The following CEP162 variants were observed in gnomAD, a reference collection of about 807,000 sequenced individuals.
CEP162 encodes centrosomal protein 162, also known as centrosomal protein of 162 kDa.
A neutral mutation model predicts 169.2 loss-of-function variants in CEP162; 141 were observed. That is an observed-to-expected ratio of 0.83 (90% CI 0.73 to 0.96). The LOEUF (loss-of-function observed/expected upper bound fraction) is 0.96, where lower values mean the gene tolerates loss of function less well. CEP162 is among the 40% of genes least tolerant of loss of function. The pLI, the probability that CEP162 is intolerant of heterozygous loss-of-function variation, is 0.00. For missense variants in CEP162, 1,600 were observed against 1,587.2 expected, an observed-to-expected ratio of 1.01 and a Z score of -0.14; for synonymous variants, 540 against 526.4, an observed-to-expected ratio of 1.03 and a Z score of -0.35.
At position 84,215,516 on chromosome 6, in the gene CEP162, ATTGAT is replaced by A. The variant is rs2127750000; in HGVS notation, c.320-56_320-52del. On this transcript the variant is annotated intron_variant, in intron 4 of 26. Transcript: ENST00000403245. ...TAGTAATATACAGAATTTTGAAAAC[ATTGAT>A]TTGAATGATGCATTTATTGACATTA... is the stretch of plus-strand genomic sequence containing the variant. The A allele has an allele frequency of 6.6e-6, 9 of 1,358,470 alleles. No homozygotes were observed. In the South Asian group the frequency reaches 1.3e-4, roughly 20 times the overall value. The allele number at this position is 1,358,470 out of a possible 1,614,324, so 84.2% of individuals were successfully genotyped here. A position where few individuals can be genotyped will look rare whatever the true frequency, so the allele number is the denominator to read the frequency against.
chr6:84,136,552 G>C (rs1220673496), intron 25 of CEP162, among the ~76,000 whole-genome samples: 1 of 152,152 alleles, frequency 6.6e-6, no homozygotes, highest in African/African-American at 2.4e-5. Context: ...CTGAAGCAAA[G>C]GCAGTTAGTG....
chr6:84,197,737 A>G (rs2127728310), intron 9 of CEP162, among the ~76,000 whole-genome samples: 1 of 152,062 alleles, frequency 6.6e-6, no homozygotes, highest in South Asian at 2.1e-4. Context: ...GAATCACTTG[A>G]ACCCAGGAGG....
At chr6:84,210,864 A>G (rs1231853413) in intron 6 of CEP162, among the ~76,000 whole-genome samples, 1 of 152,182 alleles carries the variant, frequency 6.6e-6, no homozygotes, top group Non-Finnish European at 1.5e-5. Context: ...AGGTTACTAG[A>G]GCTACTCTAG....
chr6:84,212,859 A>G (rs991061649), intron 6 of CEP162, 98 bp downstream of exon 6: 10 of 771,938 alleles, frequency 1.3e-5, no homozygotes, highest in Non-Finnish European at 2.1e-5. Context: ...GCTCTGAGAC[A>G]ATATGATTTT....
intron 26 of CEP162, 39 bp from the exon 27 acceptor site, chr6:84,125,315 T>C (rs2099508482): frequency 1.3e-6 from 2 of 1,550,354 alleles, no homozygotes; most frequent in South Asian, 1.1e-5. Context: ...TTATAGTTCA[T>C]AGTGGTGGGT....
intron 6 of CEP162, among the ~76,000 whole-genome samples, chr6:84,212,729 G>A (rs1233449053): frequency 1.3e-5 from 2 of 151,948 alleles, no homozygotes; most frequent in Non-Finnish European, 2.9e-5. Flanking sequence ...CTGTCAGATT[G>A]AACAAAAATG....
intron 25 of CEP162, among the ~76,000 whole-genome samples, chr6:84,129,174 T>G (rs962517206): frequency 3.9e-5 from 6 of 152,160 alleles, no homozygotes; most frequent in African/African-American, 7.2e-5. Context: ...GTCTTAATAG[T>G]AGAATGATTT....
intron 23 of CEP162, 120 bp downstream of exon 23, chr6:84,152,425 A>C (rs1187181011): frequency 3.8e-6 from 2 of 525,550 alleles, no homozygotes; most frequent in Admixed American, 7.6e-5. Flanking sequence ...TAATTTATTA[A>C]TATTCACTTA....
intron 2 of CEP162, among the ~76,000 whole-genome samples, chr6:84,224,013 T>A (rs528891907): frequency 1.3e-5 from 2 of 152,122 alleles, no homozygotes; most frequent in Admixed American, 1.3e-4. Flanking sequence ...AGCTACCATA[T>A]GATACAGCAA....
chr6:84,219,323 GT>G, intron 3 of CEP162: 1 of 396,062 alleles, frequency 2.5e-6, no homozygotes, highest in South Asian at 2.0e-5. Context: ...CATTGTCAAA[GT>G]TTGCTTCTTG....
rs56844006 is a variant in CEP162, at chr6:84,167,364, G to A, written c.2385+1964C>T. On this transcript the variant is annotated intron_variant, in intron 18 of 26. Coordinates refer to ENST00000403245, the MANE Select transcript of CEP162 (RefSeq NM_014895.4). ...CCACAGCTCTGTTTAATGTTTGTTT[G>A]AATTTGCCTGGCCTGTTTTGTTCTT... Among the ~76,000 whole-genome samples, 270 of 152,074 alleles carry A rather than the reference G, an allele frequency of 1.8e-3. 1 individual carries two copies. The highest frequency in any genetic ancestry group is 5.7e-3 in the African/African-American group (236 of 41,488).
intron 9 of CEP162, among the ~76,000 whole-genome samples, chr6:84,199,707 G>A (rs960671174): frequency 2.6e-5 from 4 of 152,072 alleles, no homozygotes; most frequent in Non-Finnish European, 5.9e-5. Flanking sequence ...TGATTAAAAA[G>A]TTCCCATTTG....
chr6:84,199,774 A>G (rs1562074863), intron 9 of CEP162, among the ~76,000 whole-genome samples: 1 of 152,220 alleles, frequency 6.6e-6, no homozygotes, highest in African/African-American at 2.4e-5. Flanking sequence ...AAAACAAAAA[A>G]CACAAACACA....
intron 9 of CEP162, among the ~76,000 whole-genome samples, chr6:84,199,177 T>C (rs76553886): frequency 6.6e-6 from 1 of 152,144 alleles, no homozygotes; most frequent in Admixed American, 6.5e-5. Flanking sequence ...AAAGCACGTA[T>C]GTGACACGGT....
At chr6:84,129,088 T>C (rs2129183518) in intron 25 of CEP162, among the ~76,000 whole-genome samples, 1 of 152,332 alleles carries the variant, frequency 6.6e-6, no homozygotes, top group Non-Finnish European at 1.5e-5. Flanking sequence ...ATCCAATCTA[T>C]CATTGATGGG....
chr6:84,172,990 A>T (rs2099530805), intron 16 of CEP162, among the ~76,000 whole-genome samples: 1 of 152,186 alleles, frequency 6.6e-6, no homozygotes, highest in African/African-American at 2.4e-5. Context: ...CATTGCAAAC[A>T]TCTGCCTCTA....
intron 24 of CEP162, among the ~76,000 whole-genome samples, chr6:84,149,158 G>T (rs1164610782): frequency 6.6e-6 from 1 of 151,944 alleles, no homozygotes. Context: ...AAGGTCATGG[G>T]GCAGGAAGAA....
intron 25 of CEP162, among the ~76,000 whole-genome samples, chr6:84,128,110 C>G (rs2099509679): frequency 6.6e-6 from 1 of 152,118 alleles, no homozygotes; most frequent in South Asian, 2.1e-4. Context: ...CCAGCGCTGC[C>G]CATGGCAGAG....
At position 84,184,256 on chromosome 6, in the gene CEP162, A is replaced by G. The variant is rs576813381; in HGVS notation, c.1663+931T>C. Among the ~76,000 whole-genome samples, 3 of 152,240 alleles carry G rather than the reference A, an allele frequency of 2.0e-5. No individual in the cohort carries two copies. In the South Asian group the frequency reaches 6.2e-4, roughly 32 times the overall value. ...TTAATGTCATACAAACAAAACAATC[A>G]TTTATTTCATAAAAACAAAGCAAAG... On this transcript the variant is annotated intron_variant, in intron 13 of 26. Coordinates refer to ENST00000403245, the MANE Select transcript of CEP162 (RefSeq NM_014895.4).
Sources: allele counts gnomAD v4.1 joint callset (sites outside exome capture counted in the v4.1 genomes callset), GRCh38; gene constraint gnomAD v4.1.1; transcripts MANE v1.5; gene names NCBI Gene and HGNC (gene_info 2026-07-23, HGNC 2026-07-21).